TYW1B: variants seen among roughly 807,000 people sequenced by gnomAD.
The protein encoded by TYW1B is tRNA-yW synthesizing protein 1 homolog B.
A neutral mutation model predicts 86.9 loss-of-function variants in TYW1B; 73 were observed. The observed-to-expected ratio is 0.84, with a 90% CI of 0.70 to 1.02. The LOEUF (loss-of-function observed/expected upper bound fraction) is 1.02, where lower values mean the gene tolerates loss of function less well. Ranked by LOEUF, TYW1B falls within the 50% of genes least tolerant of loss-of-function variation. The pLI is 0.00. For missense variants in TYW1B, 637 were observed against 827.4 expected (o/e 0.77, Z 2.82); for synonymous variants, 248 against 292.8 (o/e 0.85, Z 1.56).
intron 8 of TYW1B, among the ~76,000 whole-genome samples, chr7:72,739,105 A>AT (rs1188614388): frequency 6.6e-6 from 1 of 152,042 alleles, no homozygotes; most frequent in East Asian, 1.9e-4. Context: ...TGGCTATATT[A>AT]TTTTTTAACA....
chr7:72,630,342 G>A (rs1228479794), intron 11 of TYW1B, among the ~76,000 whole-genome samples: 1 of 152,068 alleles, frequency 6.6e-6, no homozygotes, highest in East Asian at 1.9e-4. Context: ...TTGAGTAGGT[G>A]CAGGACCTGT....
chr7:72,676,364 G>A (rs1195515676), intron 11 of TYW1B, among the ~76,000 whole-genome samples: 1 of 152,198 alleles, frequency 6.6e-6, no homozygotes, highest in Non-Finnish European at 1.5e-5. Context: ...AGCTATTAGA[G>A]CTATGATTAT....
intron 6 of TYW1B, among the ~76,000 whole-genome samples, chr7:72,780,270 G>C (rs1409946821): frequency 1.3e-5 from 2 of 152,128 alleles, no homozygotes; most frequent in South Asian, 2.1e-4. Context: ...AAGCAAAGGT[G>C]TGAGCTTGAT....
intron 7 of TYW1B, among the ~76,000 whole-genome samples, chr7:72,751,670 T>C (rs1235516178): frequency 6.6e-6 from 1 of 152,230 alleles, no homozygotes; most frequent in Non-Finnish European, 1.5e-5. Context: ...ATTCAAGGTA[T>C]GATTTTCTTG....
intron 7 of TYW1B, among the ~76,000 whole-genome samples, chr7:72,758,710 C>A (rs1787637564): frequency 6.6e-6 from 1 of 152,092 alleles, no homozygotes; most frequent in Non-Finnish European, 1.5e-5. Flanking sequence ...ATAAGGCCAC[C>A]TTAATAATGA....
intron 10 of TYW1B, among the ~76,000 whole-genome samples, chr7:72,704,788 A>C (rs1248672775): frequency 6.6e-6 from 1 of 152,044 alleles, no homozygotes; most frequent in African/African-American, 2.4e-5. Flanking sequence ...GGCACTGAAA[A>C]GTTATCCTCC....
intron 7 of TYW1B, among the ~76,000 whole-genome samples, chr7:72,768,143 G>A (rs1449723264): frequency 4.6e-5 from 7 of 151,866 alleles, no homozygotes; most frequent in Non-Finnish European, 8.8e-5. Flanking sequence ...GGGAGGCTGA[G>A]GAGAGAGGAT....
chr7:72,678,619 CTTTTTTT>C (rs56738372), intron 11 of TYW1B, among the ~76,000 whole-genome samples: 10 of 110,430 alleles, frequency 9.1e-5, no homozygotes, highest in African/African-American at 2.6e-4. Context: ...AATTCCAGCA[CTTTTTTT>C]TTTTTTTTTT....
chr7:72,639,922 T>C (rs1812764230), intron 11 of TYW1B, among the ~76,000 whole-genome samples: 1 of 148,514 alleles, frequency 6.7e-6, no homozygotes, highest in African/African-American at 2.5e-5. Context: ...TATGCAAAAG[T>C]AAAATGTACA....
intron 13 of TYW1B, among the ~76,000 whole-genome samples, chr7:72,594,863 T>C (rs1392201987): frequency 1.3e-5 from 2 of 152,126 alleles, no homozygotes; most frequent in Admixed American, 6.6e-5. Context: ...ACCACATTAA[T>C]AGAATGAAGG....
Position 72,616,849 on chromosome 7 carries a change from C to G in TYW1B, c.1618-10G>C. ...TGCAGTAGGTAACGCCCTGTGGAAACAGTATAACCATCAGAGATGACTACA... is the reference window on the plus strand; with the variant it reads ...TGCAGTAGGTAACGCCCTGTGGAAAGAGTATAACCATCAGAGATGACTACA... On this transcript the variant is annotated splice_polypyrimidine_tract_variant and intron_variant, in intron 12 of 13. Transcript: ENST00000620995. The G allele has an allele frequency of 6.2e-7, 1 of 1,613,922 alleles. No individual in the cohort carries two copies.
At chr7:72,682,891 C>T (rs559972651) in intron 11 of TYW1B, among the ~76,000 whole-genome samples, 1 of 152,238 alleles carries the variant, frequency 6.6e-6, no homozygotes, top group Non-Finnish European at 1.5e-5. Flanking sequence ...CAGACAGATC[C>T]AGTCATTAGG....
At chr7:72,758,033 C>T (rs1226464839) in intron 7 of TYW1B, among the ~76,000 whole-genome samples, 1 of 152,164 alleles carries the variant, frequency 6.6e-6, no homozygotes, top group East Asian at 1.9e-4. Flanking sequence ...GCCTGGCCAA[C>T]GTGGCGAAAC....
intron 11 of TYW1B, among the ~76,000 whole-genome samples, chr7:72,632,400 A>ATATATAC (rs1363543994): frequency 1.2e-5 from 1 of 81,738 alleles, no homozygotes; most frequent in African/African-American, 8.9e-5. Flanking sequence ...ATATATATAT[A>ATATATAC]ATATATATAT....
intron 7 of TYW1B, among the ~76,000 whole-genome samples, chr7:72,748,812 T>C (rs1269173759): frequency 1.3e-5 from 2 of 152,058 alleles, no homozygotes; most frequent in Non-Finnish European, 2.9e-5. Context: ...ATTCTTTCTA[T>C]ACTTGGCTGA....
intron 6 of TYW1B, among the ~76,000 whole-genome samples, chr7:72,788,495 A>G (rs1554472906): frequency 6.6e-6 from 1 of 152,162 alleles, no homozygotes; most frequent in East Asian, 1.9e-4. Flanking sequence ...CGAAGCCAAA[A>G]TCTGAACTGC....
At chr7:72,707,459 G>A (rs1222890969) in intron 10 of TYW1B, among the ~76,000 whole-genome samples, 5 of 152,218 alleles carry the variant, frequency 3.3e-5, no homozygotes, top group African/African-American at 1.2e-4. Flanking sequence ...GGTGGTTGCA[G>A]CAAAAGAGAA....
At chr7:72,579,740 T>C (rs1554429338) in intron 13 of TYW1B, among the ~76,000 whole-genome samples, 1 of 152,178 alleles carries the variant, frequency 6.6e-6, no homozygotes, top group Non-Finnish European at 1.5e-5. Context: ...AGCCTCAATC[T>C]TGTGGGCTCA....
chr7:72,690,551 A>C (rs1470830286), intron 11 of TYW1B, among the ~76,000 whole-genome samples: 1 of 152,246 alleles, frequency 6.6e-6, no homozygotes, highest in East Asian at 1.9e-4. Flanking sequence ...GATCAGAAAT[A>C]GGCTGAAAAT....
Sources: gnomAD v4.1 joint callset for allele counts (sites outside exome capture counted in the v4.1 genomes callset) on GRCh38, gnomAD v4.1.1 for gene constraint, MANE v1.5 for transcripts, NCBI Gene and HGNC (gene_info 2026-07-23, HGNC 2026-07-21) for gene names.